Variants in VSTM4 observed in about 807,000 individuals in gnomAD.
VSTM4 encodes the protein V-set and transmembrane domain containing 4, also known as V-set and transmembrane domain-containing protein 4.
Under a neutral mutation model 36.4 loss-of-function variants are expected in VSTM4, and 20 were observed. The ratio of observed to expected loss-of-function variants is 0.55; its 90% CI spans 0.39 to 0.80. VSTM4 has a LOEUF of 0.80. VSTM4 is among the 30% of genes least tolerant of loss of function. The probability of loss-of-function intolerance (pLI) is 0.00; values close to 1 mark genes in which losing one functional copy is unlikely to be tolerated. For synonymous variants in VSTM4, 182 were observed against 173.9 expected, an observed-to-expected ratio of 1.05 and a Z score of -0.37; for missense variants, 392 against 404.5, an observed-to-expected ratio of 0.97 and a Z score of 0.26.
At chr10:49,109,239 A>G (rs1844849173) in intron 1 of VSTM4, among the ~76,000 whole-genome samples, 1 of 152,202 alleles carries the variant, frequency 6.6e-6, no homozygotes, top group African/African-American at 2.4e-5. Flanking sequence ...ACAGCCACCA[A>G]AACCTTTGAC....
intron 2 of VSTM4, among the ~76,000 whole-genome samples, chr10:49,101,527 GAATAT>G (rs1241225392): frequency 1.3e-5 from 2 of 152,106 alleles, no homozygotes; most frequent in East Asian, 1.9e-4. Context: ...GTATTGTATT[GAATAT>G]AATAATCGAA....
intron 2 of VSTM4, among the ~76,000 whole-genome samples, chr10:49,087,279 T>C (rs1467610056): frequency 5.3e-5 from 8 of 152,234 alleles, no homozygotes; most frequent in Admixed American, 3.9e-4. Flanking sequence ...CTCTAGGTTG[T>C]CATCTAATTC....
At chr10:49,100,708 A>G (rs980400956) in intron 2 of VSTM4, among the ~76,000 whole-genome samples, 1 of 152,184 alleles carries the variant, frequency 6.6e-6, no homozygotes, top group African/African-American at 2.4e-5. Context: ...TGAAATCCCA[A>G]TCAAACCCCA....
At chr10:49,051,196 T>C (rs1843692350) in intron 5 of VSTM4, among the ~76,000 whole-genome samples, 1 of 152,156 alleles carries the variant, frequency 6.6e-6, no homozygotes, top group South Asian at 2.1e-4. Context: ...TCCTCTGTGC[T>C]CTGCCTATTC....
intron 5 of VSTM4, 70 bp downstream of exon 5, chr10:49,064,633 T>C: frequency 6.6e-7 from 1 of 1,515,758 alleles, no homozygotes; most frequent in South Asian, 1.2e-5. Flanking sequence ...TTAATCAATT[T>C]ATTGGTAATA....
chr10:49,099,993 G>C (rs1844638311), intron 2 of VSTM4, among the ~76,000 whole-genome samples: 2 of 152,028 alleles, frequency 1.3e-5, no homozygotes, highest in African/African-American at 2.4e-5. Context: ...TCCAGTCTGG[G>C]AGACAGAGCC....
chr10:49,085,707 C>T (rs978588573), intron 3 of VSTM4, among the ~76,000 whole-genome samples: 6 of 152,148 alleles, frequency 3.9e-5, no homozygotes, highest in Middle Eastern at 3.4e-3. Context: ...CTGTTTCCTT[C>T]CTATTGTCTA....
chr10:49,081,012 C>T (rs990361007), intron 3 of VSTM4, among the ~76,000 whole-genome samples: 1 of 152,198 alleles, frequency 6.6e-6, no homozygotes, highest in Admixed American at 6.5e-5. Context: ...TCCATTTAAA[C>T]AGTGTGAAAC....
intron 5 of VSTM4, among the ~76,000 whole-genome samples, chr10:49,061,219 T>C (rs570606612): frequency 4.6e-5 from 7 of 152,326 alleles, no homozygotes; most frequent in Admixed American, 3.9e-4. Flanking sequence ...TAATTTCTAG[T>C]TTGATTTCAC....
intron 7 of VSTM4, among the ~76,000 whole-genome samples, chr10:49,035,486 T>G (rs1250809441): frequency 6.6e-6 from 1 of 152,034 alleles, no homozygotes; most frequent in Non-Finnish European, 1.5e-5. Flanking sequence ...TAGGATTCCC[T>G]TTGTCTCCCA....
At chr10:49,034,983 C>T (rs1022284761) in intron 7 of VSTM4, among the ~76,000 whole-genome samples, 3 of 152,308 alleles carry the variant, frequency 2.0e-5, no homozygotes, top group South Asian at 2.1e-4. Context: ...TGCCCAATAA[C>T]GGCAGCAAAT....
At chr10:49,052,644 T>A (rs1307766400) in intron 5 of VSTM4, among the ~76,000 whole-genome samples, 1 of 152,208 alleles carries the variant, frequency 6.6e-6, no homozygotes, top group African/African-American at 2.4e-5. Flanking sequence ...ACATTTTCCT[T>A]TCTTCTTTTG....
Position 49,019,685 on chromosome 10 carries a change from A to G in VSTM4, c.928T>C (p.Tyr310His). The G allele has an allele frequency of 2.5e-6, 4 of 1,614,038 alleles. No individual in the cohort carries two copies. Among genetic ancestry groups the G allele is most frequent in the Non-Finnish European group, 3.4e-6 (4 of 1,179,982 alleles). The change falls in exon 8 of 8, where the codon TAC becomes CAC. Residue 310 changes from tyrosine (Y) to histidine (H), a missense_variant. Coordinates refer to ENST00000332853, the MANE Select transcript of VSTM4 (RefSeq NM_001031746.5). The stretch of plus-strand genomic sequence containing the variant: ...TTCTCCTCGAAGAGGATCTGGGCGT[A>G]GACAGTGCTGGTGGGGGCGCCTTTG... ...AAKGAPTSTV[Y>H]AQILFEENKL
rs1280802222 is a variant in VSTM4 at position 49,046,908 on chromosome 10, T to C, written c.837+75A>G. The C allele has an allele frequency of 2.8e-6, 4 of 1,424,544 alleles. No homozygotes were observed. In the East Asian group the frequency reaches 9.1e-5, roughly 32 times the overall value. The allele number at this position is 1,424,544 out of a possible 1,614,324, so 88.2% of individuals were successfully genotyped here. ...AAACTTTCTGTATGTTTTGAGTTAA[T>C]AAAGGCACTGTTTTGGAATCTGAGT... On this transcript the variant is annotated intron_variant, in intron 7 of 7. Coordinates refer to ENST00000332853, the MANE Select transcript of VSTM4 (RefSeq NM_001031746.5).
At chr10:49,076,779 T>C (rs534643609) in intron 4 of VSTM4, among the ~76,000 whole-genome samples, 288 of 152,234 alleles carry the variant, frequency 1.9e-3, no homozygotes, top group Non-Finnish European at 3.1e-3. Context: ...CTGGGGAGAC[T>C]TCCCAAGTGC....
chr10:49,056,965 C>T (rs891279005), intron 5 of VSTM4, among the ~76,000 whole-genome samples: 3 of 151,946 alleles, frequency 2.0e-5, no homozygotes, highest in African/African-American at 7.2e-5. Context: ...CCAGTCATGG[C>T]GGAAGGTAAA....
intron 2 of VSTM4, among the ~76,000 whole-genome samples, chr10:49,096,023 A>G (rs1179952192): frequency 4.6e-5 from 7 of 152,218 alleles, no homozygotes; most frequent in Non-Finnish European, 8.8e-5. Flanking sequence ...TGGTGTTTAA[A>G]TTACACTCTG....
intron 6 of VSTM4, 61 bp downstream of exon 6, chr10:49,048,417 C>T: frequency 6.9e-7 from 1 of 1,455,124 alleles, no homozygotes; most frequent in Non-Finnish European, 9.2e-7. Flanking sequence ...CATGGAACCC[C>T]AGACCCACAG....
At chr10:49,047,595 A>T (rs1468130309) in intron 6 of VSTM4, among the ~76,000 whole-genome samples, 1 of 152,188 alleles carries the variant, frequency 6.6e-6, no homozygotes, top group Non-Finnish European at 1.5e-5. Flanking sequence ...AGGGTGGGTA[A>T]TATCTACTGT....
Sources: allele counts gnomAD v4.1 joint callset (sites outside exome capture counted in the v4.1 genomes callset), GRCh38; gene constraint gnomAD v4.1.1; transcripts MANE v1.5; gene names NCBI Gene and HGNC (gene_info 2026-07-23, HGNC 2026-07-21).